Variants in IGSF11 observed in about 807,000 individuals in gnomAD.
IGSF11 encodes the protein CXADR like 1.
Under a neutral mutation model 41.0 loss-of-function variants are expected in IGSF11, and 22 were observed. That is an observed-to-expected ratio of 0.54 (90% CI 0.38 to 0.77). IGSF11 has a LOEUF of 0.77. Ranked by LOEUF, IGSF11 falls within the 30% of genes least tolerant of loss-of-function variation. The pLI is 0.00. For missense variants in IGSF11, 444 were observed against 530.8 expected, an observed-to-expected ratio of 0.84 and a Z score of 1.61; for synonymous variants, 219 against 201.3, an observed-to-expected ratio of 1.09 and a Z score of -0.74.
intron 1 of IGSF11, among the ~76,000 whole-genome samples, chr3:119,027,710 A>G (rs1258349533): frequency 2.6e-5 from 4 of 152,230 alleles, no homozygotes; most frequent in Non-Finnish European, 2.9e-5. Flanking sequence ...GCAGTCCTCA[A>G]TAATCTTTAA....
intron 1 of IGSF11, among the ~76,000 whole-genome samples, chr3:118,941,731 C>T (rs1943716331): frequency 1.3e-5 from 2 of 152,152 alleles, no homozygotes; most frequent in South Asian, 4.1e-4. Flanking sequence ...TGCCCATCAA[C>T]TTGCAAATGG....
chr3:119,005,634 C>G, intron 1 of IGSF11, among the ~76,000 whole-genome samples: 1 of 111,744 alleles, frequency 8.9e-6, no homozygotes, highest in African/African-American at 5.3e-5. Context: ...GCACTTCCTT[C>G]AGGAGCTCTT....
At chr3:118,962,195 C>A (rs1287341769) in intron 1 of IGSF11, among the ~76,000 whole-genome samples, 1 of 152,172 alleles carries the variant, frequency 6.6e-6, no homozygotes, top group Admixed American at 6.5e-5. Flanking sequence ...TGTTCTTCTA[C>A]CTGCAAATTA....
intron 4 of IGSF11, among the ~76,000 whole-genome samples, chr3:118,921,169 A>G (rs538544070): frequency 2.0e-5 from 3 of 152,284 alleles, no homozygotes; most frequent in East Asian, 1.9e-4. Flanking sequence ...AGAACTTTTC[A>G]CCTTGTAACA....
intron 1 of IGSF11, among the ~76,000 whole-genome samples, chr3:119,095,328 A>G (rs1485358771): frequency 6.6e-6 from 1 of 152,188 alleles, no homozygotes; most frequent in Non-Finnish European, 1.5e-5. Context: ...GCAGACATAC[A>G]AGGGTCAGAA....
At chr3:119,044,809 T>A (rs1179889990) in intron 1 of IGSF11, among the ~76,000 whole-genome samples, 2 of 152,154 alleles carry the variant, frequency 1.3e-5, no homozygotes, top group Admixed American at 1.3e-4. Context: ...AAACTAAGCT[T>A]CATAAACGAA....
At chr3:118,972,870 T>C (rs942620346) in intron 1 of IGSF11, among the ~76,000 whole-genome samples, 2 of 152,172 alleles carry the variant, frequency 1.3e-5, no homozygotes, top group African/African-American at 4.8e-5. Context: ...GGATAAAGCA[T>C]AGGCCACACC....
intron 1 of IGSF11, among the ~76,000 whole-genome samples, chr3:119,026,573 T>C (rs251457): frequency 0.65 from 98,053 of 152,006 alleles, 32,061 homozygotes; most frequent in African/African-American, 0.75. Flanking sequence ...GTACTAGTAG[T>C]CACTGTAGTC....
chr3:119,113,636 C>G (rs2077215546), intron 1 of IGSF11, among the ~76,000 whole-genome samples: 1 of 152,192 alleles, frequency 6.6e-6, no homozygotes, highest in Admixed American at 6.5e-5. Flanking sequence ...GGTGGAGTGC[C>G]TGCAGCTTTT....
intron 1 of IGSF11, among the ~76,000 whole-genome samples, chr3:119,083,126 C>CTTTTTTTTTTTTTTTTTTT (rs79620142): frequency 2.3e-5 from 3 of 129,122 alleles, no homozygotes; most frequent in Non-Finnish European, 4.7e-5. Flanking sequence ...TTTCTTTTTT[C>CTTTTTTTTTTTTTTTTTTT]TTTTTTTTTT....
chr3:118,947,934 T>C (rs564588859), intron 1 of IGSF11: 1 of 152,364 alleles, frequency 6.6e-6, no homozygotes, highest in Non-Finnish European at 1.5e-5. Flanking sequence ...AGTTCATTTA[T>C]TTCTATTACT....
At chr3:118,927,134 G>A (rs1203807715) in intron 3 of IGSF11, among the ~76,000 whole-genome samples, 2 of 152,086 alleles carry the variant, frequency 1.3e-5, no homozygotes, top group Admixed American at 1.3e-4. Context: ...AAAGGATATA[G>A]GTAGGAAGAG....
intron 3 of IGSF11, 113 bp downstream of exon 3, chr3:118,928,396 C>G: frequency 1.4e-6 from 1 of 730,132 alleles, no homozygotes; most frequent in African/African-American, 1.8e-5. Flanking sequence ...TGAGAGAAGA[C>G]AGAAAAAGAA....
chr3:118,921,716 A>G (rs948745702), intron 4 of IGSF11, among the ~76,000 whole-genome samples: 1 of 152,120 alleles, frequency 6.6e-6, no homozygotes, highest in African/African-American at 2.4e-5. Context: ...TCTTACATAC[A>G]TTATTCTGTT....
chr3:118,966,743 G>A (rs947296930), intron 1 of IGSF11, among the ~76,000 whole-genome samples: 1 of 152,168 alleles, frequency 6.6e-6, no homozygotes, highest in African/African-American at 2.4e-5. Flanking sequence ...TTGGATTTAC[G>A]TTTAAGAGAG....
intron 1 of IGSF11, among the ~76,000 whole-genome samples, chr3:119,128,477 C>T (rs1339399512): frequency 1.3e-5 from 2 of 152,084 alleles, no homozygotes; most frequent in Non-Finnish European, 2.9e-5. Flanking sequence ...GGAGTCAAGA[C>T]CCATTGGCGT....
intron 1 of IGSF11, among the ~76,000 whole-genome samples, chr3:118,978,432 C>T (rs1039430846): frequency 1.3e-5 from 2 of 152,196 alleles, no homozygotes; most frequent in Non-Finnish European, 2.9e-5. Flanking sequence ...CCCACACAGC[C>T]CACCACCGCC....
At chr3:119,069,482 T>C (rs1224988952) in intron 1 of IGSF11, among the ~76,000 whole-genome samples, 3 of 152,342 alleles carry the variant, frequency 2.0e-5, no homozygotes, top group East Asian at 3.9e-4. Flanking sequence ...AATATAATTA[T>C]GGCTTAAAGA....
intron 1 of IGSF11, among the ~76,000 whole-genome samples, chr3:119,102,318 G>A (rs948674219): frequency 1.3e-5 from 2 of 152,150 alleles, no homozygotes; most frequent in African/African-American, 4.8e-5. Context: ...CATTTCTGGA[G>A]TCCACACTTT....
Sources: allele counts gnomAD v4.1 joint callset (sites outside exome capture counted in the v4.1 genomes callset), GRCh38; gene constraint gnomAD v4.1.1; transcripts MANE v1.5; gene names NCBI Gene and HGNC (gene_info 2026-07-23, HGNC 2026-07-21).